STARD13: variants seen among roughly 807,000 people sequenced by gnomAD.
The protein encoded by STARD13 is stAR-related lipid transfer protein 13.
A neutral mutation model predicts 106.4 loss-of-function variants in STARD13; 62 were observed. That is an observed-to-expected ratio of 0.58 (90% confidence interval 0.48 to 0.72). The LOEUF (loss-of-function observed/expected upper bound fraction) is 0.72, where lower values mean the gene tolerates loss of function less well. Among genes scored for constraint, STARD13 ranks in the 30% least tolerant of loss-of-function variants. The pLI is 0.00. For missense variants in STARD13, 1,387 were observed against 1,424.0 expected, an observed-to-expected ratio of 0.97 and a Z score of 0.42; for synonymous variants, 565 against 553.0, an observed-to-expected ratio of 1.02 and a Z score of -0.31.
At chr13:33,505,861 G>T in the STARD13 span, among the ~76,000 whole-genome samples, 1 of 152,290 alleles carries the variant, frequency 6.6e-6, no homozygotes, top group South Asian at 2.1e-4. Context: ...GTGGTCTGCA[G>T]AGTCCTGGGC....
the STARD13 span, among the ~76,000 whole-genome samples, chr13:33,487,286 G>T: frequency 6.6e-6 from 1 of 152,028 alleles, no homozygotes; most frequent in South Asian, 2.1e-4. Flanking sequence ...TGTTGATTTT[G>T]TTACTATCAT....
the STARD13 span, among the ~76,000 whole-genome samples, chr13:33,522,942 G>A: frequency 6.6e-6 from 1 of 152,302 alleles, no homozygotes; most frequent in Non-Finnish European, 1.5e-5. Flanking sequence ...TAGGCAATGT[G>A]TGTGAGAGCT....
intron 3 of STARD13, among the ~76,000 whole-genome samples, chr13:33,154,167 C>T (rs577568163): frequency 1.1e-4 from 16 of 152,236 alleles, no homozygotes; most frequent in Middle Eastern, 3.4e-3. Flanking sequence ...GGGTGTCGGG[C>T]GCACTGGGGG....
At chr13:33,112,589 CCTAT>C (rs145139325) in intron 9 of STARD13, 128 bp downstream of exon 9, 210 of 729,484 alleles carry the variant, frequency 2.9e-4, no homozygotes, top group African/African-American at 1.8e-3. Context: ...TATCTACCTA[CCTAT>C]CTATCTATAA....
the STARD13 span, among the ~76,000 whole-genome samples, chr13:33,649,601 C>T: frequency 6.6e-6 from 1 of 152,142 alleles, no homozygotes; most frequent in Admixed American, 6.5e-5. Flanking sequence ...GAGCCTGTCA[C>T]ATGATAGGTT....
chr13:33,493,612 T>C, the STARD13 span, among the ~76,000 whole-genome samples: 2 of 152,184 alleles, frequency 1.3e-5, no homozygotes, highest in Non-Finnish European at 2.9e-5. Context: ...GTGCGCAGTA[T>C]TTGGGAATGC....
chr13:33,320,695 T>C (rs538347632), intron 1 of STARD13, among the ~76,000 whole-genome samples: 3 of 152,248 alleles, frequency 2.0e-5, no homozygotes, highest in African/African-American at 7.2e-5. Flanking sequence ...ATTGGCCAGG[T>C]ATGGTATCTT....
chr13:33,436,398 G>T, the STARD13 span, among the ~76,000 whole-genome samples: 322 of 152,148 alleles, frequency 2.1e-3, no homozygotes, highest in African/African-American at 7.1e-3. Context: ...CACATTTAAA[G>T]AAATGATAAT....
chr13:33,627,017 T>C, the STARD13 span, among the ~76,000 whole-genome samples: 1 of 152,244 alleles, frequency 6.6e-6, no homozygotes. Flanking sequence ...GGAAATAGAA[T>C]AAACCTGCTT....
chr13:33,219,602 C>T lies in STARD13; in HGVS notation c.170-51980G>A, dbSNP rs535730192. ...ATCCTAACACTTTGGGATGCAGAGGCGGGAGGATCACTTGAGGCCAGGAGT... is the reference window on the plus strand; with the variant it reads ...ATCCTAACACTTTGGGATGCAGAGGTGGGAGGATCACTTGAGGCCAGGAGT... On this transcript the variant is annotated intron_variant, in intron 1 of 13. Coordinates refer to ENST00000336934, the MANE Select transcript of STARD13 (RefSeq NM_178006.4). Among the ~76,000 whole-genome samples the T allele has an allele frequency of 1.2e-4, 17 of 143,962 alleles. No individual in the cohort carries two copies. The South Asian group carries it at 1.5e-3, about 13-fold the overall frequency. The allele number at this position is 143,962 out of a possible 152,430, so 94.4% of individuals were successfully genotyped here.
At chr13:33,519,208 T>TTTTTTC in the STARD13 span, among the ~76,000 whole-genome samples, 1 of 101,530 alleles carries the variant, frequency 9.8e-6, no homozygotes, top group Admixed American at 9.6e-5. Flanking sequence ...CTTGGTAATT[T>TTTTTTC]TTTCTTTCTT....
chr13:33,486,738 A>C, the STARD13 span, among the ~76,000 whole-genome samples: 1 of 152,128 alleles, frequency 6.6e-6, no homozygotes, highest in Non-Finnish European at 1.5e-5. Flanking sequence ...TCCTCTTCCA[A>C]AACACAAGCT....
chr13:33,527,526 A>G, the STARD13 span, among the ~76,000 whole-genome samples: 1 of 152,100 alleles, frequency 6.6e-6, no homozygotes, highest in African/African-American at 2.4e-5. Flanking sequence ...CAAATTTCAT[A>G]TAAAGAGAAC....
chr13:33,396,024 T>A, the STARD13 span, among the ~76,000 whole-genome samples: 3 of 151,596 alleles, frequency 2.0e-5, no homozygotes, highest in African/African-American at 7.3e-5. Context: ...TATTTTTAAA[T>A]TTTTTTTGGT....
chr13:33,449,973 A>G, the STARD13 span, among the ~76,000 whole-genome samples: 1 of 152,134 alleles, frequency 6.6e-6, no homozygotes, highest in African/African-American at 2.4e-5. Context: ...CAGTTCTAAT[A>G]GTTTTTTTGT....
At chr13:33,183,472 C>G (rs917085310) in intron 1 of STARD13, among the ~76,000 whole-genome samples, 8 of 152,222 alleles carry the variant, frequency 5.3e-5, no homozygotes, top group Admixed American at 5.2e-4. Flanking sequence ...TTTTTTCTCT[C>G]TTGGTCTGAT....
At chr13:33,643,291 C>A in the STARD13 span, among the ~76,000 whole-genome samples, 3 of 152,122 alleles carry the variant, frequency 2.0e-5, no homozygotes, top group Non-Finnish European at 4.4e-5. Context: ...CCTAAAAGAA[C>A]GCTGCGTATT....
chr13:33,198,425 G>C (rs1162760856), intron 1 of STARD13, among the ~76,000 whole-genome samples: 1 of 151,920 alleles, frequency 6.6e-6, no homozygotes, highest in Non-Finnish European at 1.5e-5. Flanking sequence ...GCTTACCCCA[G>C]ATGTTTAGAG....
chr13:33,575,410 G>A, the STARD13 span, among the ~76,000 whole-genome samples: 1 of 152,054 alleles, frequency 6.6e-6, no homozygotes, highest in Non-Finnish European at 1.5e-5. Context: ...GTGGGGAAAG[G>A]GAAAAGAAGA....
Sources: allele counts gnomAD v4.1 joint callset (sites outside exome capture counted in the v4.1 genomes callset), GRCh38; gene constraint gnomAD v4.1.1; transcripts MANE v1.5; gene names NCBI Gene and HGNC (gene_info 2026-07-23, HGNC 2026-07-21).